Variants in RNPEPL1 observed in about 807,000 individuals in gnomAD.
RNPEPL1 encodes aminopeptidase RNPEPL1.
In RNPEPL1, 46 loss-of-function variants were observed where a neutral mutation model predicts 69.0. The ratio of observed to expected loss-of-function variants is 0.67; its 90% CI spans 0.53 to 0.85. The LOEUF (loss-of-function observed/expected upper bound fraction) is 0.85. Among genes scored for constraint, RNPEPL1 ranks in the 40% least tolerant of loss-of-function variants. The pLI is 0.00. For missense variants in RNPEPL1, 869 were observed against 992.5 expected, an observed-to-expected ratio of 0.88 and a Z score of 1.67; for synonymous variants, 525 against 454.1, an observed-to-expected ratio of 1.16 and a Z score of -1.98.
Position 240,578,117 on chromosome 2 carries a change from G to A in RNPEPL1, c.*225G>A. 2.2e-6 allele frequency: 1 copy of A among 447,266 alleles called. No individual in the cohort carries two copies. The highest frequency in any genetic ancestry group is 4.0e-6 in the Non-Finnish European group (1 of 253,120). The allele number at this position is 447,266 out of a possible 1,614,324, so 27.7% of individuals were successfully genotyped here. A position where few individuals can be genotyped will look rare whatever the true frequency, so the allele number is the denominator to read the frequency against. On this transcript the variant is annotated 3_prime_UTR_variant, in exon 11 of 11. Coordinates refer to ENST00000270357, the MANE Select transcript of RNPEPL1 (RefSeq NM_018226.6). ...CACTCCCAGCTCTCTTGCACTGCAG[G>A]CCCTGGGGCCAGCCCGCACACACCA...
In RNPEPL1 at chr2:240,569,065, A is replaced by T; in HGVS notation, c.479A>T (p.His160Leu). Residue 160 changes from histidine to leucine, a missense_variant, in exon 1 of 11, where the codon CAC (histidine) becomes CTC (leucine). Coordinates refer to ENST00000270357, the MANE Select transcript of RNPEPL1 (RefSeq NM_018226.6). ...ACGCTGCCGCCCGAGCTGCAGGCGC[A>T]CCAGCCCTTCCAGGTCATCCTGCGG... is the stretch of plus-strand genomic sequence containing the variant. ...TVTLPPELQAHQPFQVILRYT... is the reference protein window; with the variant it reads ...TVTLPPELQALQPFQVILRYT... 2.6e-6 allele frequency: 4 copies of T among 1,509,696 alleles called. No individual in the cohort carries two copies. The highest frequency in any genetic ancestry group is 3.5e-6 in the Non-Finnish European group (4 of 1,136,674). 93.5% of individuals were successfully genotyped at this position (1,509,696 alleles called of 1,614,324 possible). A position where few individuals can be genotyped will look rare whatever the true frequency, so the allele number is the denominator to read the frequency against.
At chr2:240,569,315 G>A in intron 1 of RNPEPL1, 1 of 555,978 alleles carries the variant, frequency 1.8e-6, no homozygotes, top group East Asian at 3.7e-5. Flanking sequence ...ACACGGGACA[G>A]CATGTCACTC....
Position 240,574,479 on chromosome 2 carries a change from C to T in RNPEPL1, c.1175-36C>T, listed in dbSNP as rs769877206. ...CTGCTTCCCCCGACGACCCCTACAC[C>T]CCCTCACCTCTCCTCTGTCTCCGGA... On this transcript the variant is annotated intron_variant, in intron 5 of 10. Coordinates refer to ENST00000270357, the MANE Select transcript of RNPEPL1 (RefSeq NM_018226.6). 5 of 1,580,882 alleles carry T rather than the reference C, an allele frequency of 3.2e-6. No individual in the cohort carries two copies. The African/African-American group carries it at 4.0e-5, about 13-fold the overall frequency.
Position 240,572,487 on chromosome 2 carries a change from A to G in RNPEPL1, c.593A>G (p.His198Arg). Residue 198 changes from histidine (H) to arginine (R), a missense_variant, in exon 2 of 11, where the codon CAC (histidine) becomes CGC (arginine). Physicochemically the swap from His to Arg is conservative, Grantham distance 29. Coordinates refer to ENST00000270357, the MANE Select transcript of RNPEPL1 (RefSeq NM_018226.6). ...AAGCCCTTCGTCTTCACCCAGGGCCACTCCGTGTGCAACCGCTCCTTCTTC... is the reference window on the plus strand; with the variant it reads ...AAGCCCTTCGTCTTCACCCAGGGCCGCTCCGTGTGCAACCGCTCCTTCTTC... ...CAKPFVFTQG[H>R]SVCNRSFFPC... 1 of 1,536,068 alleles carries G rather than the reference A, an allele frequency of 6.5e-7. No homozygotes were observed. Among genetic ancestry groups the G allele is most frequent in the Non-Finnish European group, 8.7e-7 (1 of 1,146,842 alleles).
chr2:240,577,823 G>A lies in RNPEPL1; in HGVS notation c.2109G>A (p.Gln703=). 6.3e-7 allele frequency: 1 copy of A among 1,599,494 alleles called. No homozygotes were observed. The highest frequency in any genetic ancestry group is 1.1e-5 in the South Asian group (1 of 90,614). ...AAGCAGACACAGACTCGGACGCACA[G>A]GCCCTGCTGCTTGGGGACGAGGCCC... ...KAEADTDSDA[Q]ALLLGDEAPS... is the part of the protein sequence containing the mutation. Residue 703 remains glutamine (Q), a synonymous_variant, in exon 11 of 11, where the codon CAG becomes CAA. Coordinates refer to ENST00000270357, the MANE Select transcript of RNPEPL1 (RefSeq NM_018226.6).
At chr2:240,571,637 GC>G (rs2093021792) in intron 1 of RNPEPL1, among the ~76,000 whole-genome samples, 1 of 152,004 alleles carries the variant, frequency 6.6e-6, no homozygotes, top group Admixed American at 6.6e-5. Context: ...CTGGGGCCTG[GC>G]CTCGGCATCT....
chr2:240,576,615 C>T lies in RNPEPL1; in HGVS notation c.1591C>T (p.Arg531Trp), dbSNP rs769255993. ...CCTGTCTCAGGGATCCAGCCTGACC[C>T]GGCCCGTGGAGGCCCTTTTCCAGCT... Reference protein sequence around the residue: ...PDLSQGSSLTRPVEALFQLWT... With the variant: ...PDLSQGSSLTWPVEALFQLWT... The change falls in exon 9 of 11, where the codon CGG becomes TGG. Residue 531 changes from arginine to tryptophan, a missense_variant. This residue lies in a region of RNPEPL1 where 610 missense variants were observed against 790.9 expected (regional missense o/e 0.77). Coordinates refer to ENST00000270357, the MANE Select transcript of RNPEPL1 (RefSeq NM_018226.6). The T allele has an allele frequency of 1.9e-5, 30 of 1,612,942 alleles. No homozygotes were observed. The highest frequency in any genetic ancestry group is 2.4e-5 in the Non-Finnish European group (28 of 1,180,024).
At chr2:240,569,760 G>C (rs868224338) in intron 1 of RNPEPL1, among the ~76,000 whole-genome samples, 3 of 152,200 alleles carry the variant, frequency 2.0e-5, no homozygotes, top group African/African-American at 7.2e-5. Context: ...CCTACAGCAT[G>C]GGGGTTCATA....
rs1440980615 is a variant in RNPEPL1 at position 240,569,126 on chromosome 2, G to A, written c.528+12G>A. 3.4e-6 allele frequency: 5 copies of A among 1,472,640 alleles called. No homozygotes were observed. The highest frequency in any genetic ancestry group is 2.6e-5 in the South Asian group (2 of 78,084). 91.2% of individuals were successfully genotyped at this position (1,472,640 alleles called of 1,614,324 possible). A position where few individuals can be genotyped will look rare whatever the true frequency, so the allele number is the denominator to read the frequency against. ...CCGACGCCCCCGCCGTGAGTCCGGG[G>A]CGGGCGCCGGGGCTGCGGGCCGGTC... On this transcript the variant is annotated intron_variant, in intron 1 of 10. Transcript: ENST00000270357.
chr2:240,575,446 G>A, intron 7 of RNPEPL1, 56 bp from the exon 8 acceptor site: 1 of 1,468,758 alleles, frequency 6.8e-7, no homozygotes, highest in East Asian at 2.3e-5. Context: ...GCCTCTGGTG[G>A]GGCTGCCTGT....
In RNPEPL1 at chr2:240,573,897, C is replaced by T. The variant is rs1331516788; in HGVS notation, c.938+6C>T. On this transcript the variant is annotated splice_donor_region_variant and intron_variant, in intron 4 of 10. Coordinates refer to ENST00000270357, the MANE Select transcript of RNPEPL1 (RefSeq NM_018226.6). The stretch of plus-strand genomic sequence containing the variant: ...GGGCCCTACATGTGGGGCAGGTAGG[C>T]CCCGGGGACCTGTGGACCTGGCTGG... The T allele has an allele frequency of 6.3e-7, 1 of 1,576,118 alleles. No homozygotes were observed. The highest frequency in any genetic ancestry group is 2.3e-5 in the East Asian group (1 of 42,992).
chr2:240,577,781 G>A lies in RNPEPL1; in HGVS notation c.2067G>A (p.Thr689=), dbSNP rs148341098. 9.9e-4 allele frequency: 1,596 copies of A among 1,611,268 alleles called. 2 individuals carry two copies. The highest frequency in any genetic ancestry group is 1.1e-3 in the Non-Finnish European group (1,285 of 1,178,954). The change falls in exon 11 of 11, where the codon ACG becomes ACA. Residue 689 remains threonine (T), a synonymous_variant. Coordinates refer to ENST00000270357, the MANE Select transcript of RNPEPL1 (RefSeq NM_018226.6). ...CAGAGCCCGCCTCAGAGCCCAGCAC[G>A]GAGCTGGGCAAGGCTGAAGCAGACA... ...SSTEPASEPS[T]ELGKAEADTD... is the part of the protein sequence containing the mutation.
At chr2:240,572,709 C>G (rs1246664833) in intron 2 of RNPEPL1, 146 bp downstream of exon 2, 6 of 1,081,012 alleles carry the variant, frequency 5.6e-6, no homozygotes, top group Non-Finnish European at 7.8e-6. Flanking sequence ...CCTCCCTACT[C>G]TATGGGAGGA....
intron 5 of RNPEPL1, 75 bp downstream of exon 5, chr2:240,574,423 C>T: frequency 6.5e-7 from 1 of 1,546,438 alleles, no homozygotes; most frequent in Non-Finnish European, 8.8e-7. Context: ...CTAGCCTGGC[C>T]CCCCTGCCAT....
Position 240,579,930 on chromosome 2 carries a change from C to G in RNPEPL1, c.*2038C>G, listed in dbSNP as rs1011383844. The G allele has an allele frequency of 6.6e-6, 1 of 152,270 alleles. No homozygotes were observed. Among genetic ancestry groups the G allele is most frequent in the Non-Finnish European group, 1.5e-5 (1 of 68,052 alleles). The allele number at this position is 152,270 out of a possible 1,614,324, so 9.4% of individuals were successfully genotyped here. Reference sequence around the variant, plus strand: ...CTCCACGTGCCTACAGCCACGCCCACAGCGCCACCTCCGGACGCTGCTGAG... The same window carrying G: ...CTCCACGTGCCTACAGCCACGCCCAGAGCGCCACCTCCGGACGCTGCTGAG... On this transcript the variant is annotated 3_prime_UTR_variant, in exon 11 of 11. Transcript: ENST00000270357.
chr2:240,576,871 T>C lies in RNPEPL1; in HGVS notation c.1765T>C (p.Cys589Arg), dbSNP rs756190506. Residue 589 changes from cysteine (C) to arginine (R), a missense_variant, in exon 10 of 11, where the codon TGC (cysteine) becomes CGC (arginine). Cys to Arg is a radical substitution (Grantham distance 180, BLOSUM62 -3). Transcript: ENST00000270357. ...AGAGGTGGTGATGAGCCTGTCCAAG[T>C]GCTACTCCTCCCTGCTGGACTCGAT... Reference protein sequence around the residue: ...PQEVVMSLSKCYSSLLDSMNA... With the variant: ...PQEVVMSLSKRYSSLLDSMNA... 25 of 1,613,086 alleles carry C rather than the reference T, an allele frequency of 1.5e-5. No homozygotes were observed. The highest frequency in any genetic ancestry group is 3.4e-6 in the Non-Finnish European group (4 of 1,179,964).
At chr2:240,573,914 C>A in intron 4 of RNPEPL1, 23 bp downstream of exon 4, 3 of 1,570,674 alleles carry the variant, frequency 1.9e-6, no homozygotes, top group Non-Finnish European at 2.6e-6. Context: ...GACCTGTGGA[C>A]CTGGCTGGCT....
chr2:240,569,252 C>A, intron 1 of RNPEPL1, 138 bp downstream of exon 1: 1 of 1,004,282 alleles, frequency 1.0e-6, no homozygotes, highest in Middle Eastern at 3.4e-4. Flanking sequence ...TGATTCCCAG[C>A]TGTTGCCTGT....
chr2:240,569,248 C>G (rs1423048356), intron 1 of RNPEPL1, 134 bp downstream of exon 1: 2 of 1,020,946 alleles, frequency 2.0e-6, no homozygotes, highest in African/African-American at 3.5e-5. Flanking sequence ...CCGGTGATTC[C>G]CAGCTGTTGC....
Sources: gnomAD v4.1 joint callset for allele counts (sites outside exome capture counted in the v4.1 genomes callset) on GRCh38, gnomAD v4.1.1 for gene constraint, gnomAD v4.1.1 regional missense constraint, MANE v1.5 for transcripts, NCBI Gene and HGNC (gene_info 2026-07-23, HGNC 2026-07-21) for gene names.